ATP8A2: variants seen among roughly 807,000 people sequenced by gnomAD.
The protein encoded by ATP8A2 is phospholipid-transporting ATPase IB.
A neutral mutation model predicts 165.6 loss-of-function variants in ATP8A2; 100 were observed. The observed-to-expected ratio is 0.60, with a 90% CI of 0.51 to 0.71. The LOEUF (loss-of-function observed/expected upper bound fraction) is 0.71. Ranked by LOEUF, ATP8A2 falls within the 30% of genes least tolerant of loss-of-function variation. The pLI is 0.00. For synonymous variants in ATP8A2, 543 were observed against 548.8 expected, an observed-to-expected ratio of 0.99 and a Z score of 0.15; for missense variants, 1,227 against 1,479.5, an observed-to-expected ratio of 0.83 and a Z score of 2.80.
chr13:25,738,212 C>A (rs375842223), intron 25 of ATP8A2, among the ~76,000 whole-genome samples: 1 of 152,082 alleles, frequency 6.6e-6, no homozygotes, highest in African/African-American at 2.4e-5. Context: ...CCAATGTCCC[C>A]GAGGCTTCTC....
intron 25 of ATP8A2, among the ~76,000 whole-genome samples, chr13:25,700,949 A>T (rs902503532): frequency 1.3e-5 from 2 of 152,114 alleles, no homozygotes; most frequent in African/African-American, 4.8e-5. Context: ...TTGATTAATG[A>T]TGTTGATCGT....
At chr13:25,534,610 C>T (rs1334541211) in intron 6 of ATP8A2, among the ~76,000 whole-genome samples, 1 of 152,192 alleles carries the variant, frequency 6.6e-6, no homozygotes, top group African/African-American at 2.4e-5. Flanking sequence ...TTCCATCGTT[C>T]ATTTGGGAGA....
In ATP8A2 at chr13:25,893,156, C is replaced by T. The variant is rs980064829; in HGVS notation, c.3183+30748C>T. Among the ~76,000 whole-genome samples the T allele has an allele frequency of 5.3e-5, 8 of 149,892 alleles. No homozygotes were observed. The East Asian group carries it at 1.4e-3, about 26-fold the overall frequency. ...TATTGGTGTGCTGCACCCATTAACT[C>T]GTCATTTAGCATTAGGTATATCTCC... is the stretch of plus-strand genomic sequence containing the variant. On this transcript the variant is annotated intron_variant, in intron 33 of 36. Transcript: ENST00000381655.
At chr13:25,562,800 A>G (rs1295338558) in intron 15 of ATP8A2, among the ~76,000 whole-genome samples, 1 of 152,174 alleles carries the variant, frequency 6.6e-6, no homozygotes, top group Non-Finnish European at 1.5e-5. Flanking sequence ...GTAAAAGATA[A>G]GCATTTTTTT....
intron 1 of ATP8A2, among the ~76,000 whole-genome samples, chr13:25,461,139 A>G (rs2035492687): frequency 6.6e-6 from 1 of 152,212 alleles, no homozygotes; most frequent in African/African-American, 2.4e-5. Flanking sequence ...GTAATAAGAA[A>G]TCCTGACCCA....
chr13:25,495,305 G>T (rs1057490034), intron 2 of ATP8A2, among the ~76,000 whole-genome samples: 1 of 152,200 alleles, frequency 6.6e-6, no homozygotes, highest in Non-Finnish European at 1.5e-5. Flanking sequence ...CCAAGAAGCA[G>T]CAGGATTGGA....
At chr13:25,793,981 G>C (rs1402673835) in intron 27 of ATP8A2, among the ~76,000 whole-genome samples, 2 of 152,134 alleles carry the variant, frequency 1.3e-5, no homozygotes, top group Non-Finnish European at 2.9e-5. Context: ...CCATTTTGAA[G>C]AGCACAGACA....
At chr13:25,880,706 T>G (rs1952956438) in intron 33 of ATP8A2, among the ~76,000 whole-genome samples, 1 of 152,184 alleles carries the variant, frequency 6.6e-6, no homozygotes, top group Non-Finnish European at 1.5e-5. Context: ...TGTTACAAGT[T>G]ACGTTCCCCT....
At chr13:25,385,387 T>C (rs2033003125) in intron 1 of ATP8A2, among the ~76,000 whole-genome samples, 1 of 152,218 alleles carries the variant, frequency 6.6e-6, no homozygotes, top group Admixed American at 6.5e-5. Flanking sequence ...TCAGCCTCAC[T>C]TTCCTCCTCT....
At chr13:25,889,245 CATATATATATATATATATAT>C (rs200723564) in intron 33 of ATP8A2, among the ~76,000 whole-genome samples, 6 of 109,972 alleles carry the variant, frequency 5.5e-5, no homozygotes, top group African/African-American at 2.6e-4. Context: ...CATCCTTTGT[CATATATATATATATATATAT>C]ATATATATAA....
At chr13:25,618,926 G>A (rs1205334510) in intron 24 of ATP8A2, among the ~76,000 whole-genome samples, 1 of 152,170 alleles carries the variant, frequency 6.6e-6, no homozygotes, top group Non-Finnish European at 1.5e-5. Context: ...GACTGGCAAT[G>A]ATGTGATTAA....
intron 27 of ATP8A2, among the ~76,000 whole-genome samples, chr13:25,787,903 G>A (rs978506704): frequency 6.6e-6 from 1 of 152,246 alleles, no homozygotes; most frequent in Non-Finnish European, 1.5e-5. Flanking sequence ...AATCAAGCAA[G>A]ACGATGGTAG....
chr13:25,905,255 A>T (rs1953900334), intron 33 of ATP8A2, among the ~76,000 whole-genome samples: 1 of 152,134 alleles, frequency 6.6e-6, no homozygotes, highest in Non-Finnish European at 1.5e-5. Context: ...TTAAAAAAAA[A>T]ATTTTTAAGG....
intron 24 of ATP8A2, among the ~76,000 whole-genome samples, chr13:25,597,189 AT>A (rs894647524): frequency 2.0e-5 from 3 of 150,430 alleles, no homozygotes; most frequent in South Asian, 4.2e-4. Context: ...TCTGTTGCAA[AT>A]TTTTTTTTTA....
intron 29 of ATP8A2, among the ~76,000 whole-genome samples, chr13:25,837,850 A>G (rs1951658626): frequency 6.6e-6 from 1 of 152,188 alleles, no homozygotes; most frequent in African/African-American, 2.4e-5. Context: ...AATAAAAAAA[A>G]GAAAGATATA....
chr13:25,693,331 CAT>C (rs1440433270), intron 24 of ATP8A2, among the ~76,000 whole-genome samples: 1 of 152,174 alleles, frequency 6.6e-6, no homozygotes, highest in African/African-American at 2.4e-5. Flanking sequence ...TGTTCCACCA[CAT>C]GTGTGTGGTG....
intron 33 of ATP8A2, among the ~76,000 whole-genome samples, chr13:25,870,306 C>T (rs926316347): frequency 6.6e-6 from 1 of 151,994 alleles, no homozygotes. Flanking sequence ...AGGATAGGGG[C>T]GTGGCAGGTC....
chr13:25,703,557 T>C (rs1013673381), intron 25 of ATP8A2, among the ~76,000 whole-genome samples: 4 of 152,030 alleles, frequency 2.6e-5, no homozygotes, highest in Admixed American at 1.3e-4. Flanking sequence ...TAGCCTCAAA[T>C]TGGAAAACAA....
intron 24 of ATP8A2, among the ~76,000 whole-genome samples, chr13:25,594,845 A>G (rs1399649573): frequency 6.6e-6 from 1 of 152,194 alleles, no homozygotes; most frequent in Admixed American, 6.5e-5. Context: ...ATCTACCCAG[A>G]GGAAAAGAAG....
Sources: allele counts gnomAD v4.1 joint callset (sites outside exome capture counted in the v4.1 genomes callset), GRCh38; gene constraint gnomAD v4.1.1; transcripts MANE v1.5; gene names NCBI Gene and HGNC (gene_info 2026-07-23, HGNC 2026-07-21).